The following RUNDC3B variants were observed in gnomAD, a reference collection of about 807,000 sequenced individuals.
RUNDC3B encodes the protein RUN domain containing 3B.
RUNDC3B carries 33 observed loss-of-function variants against 58.4 expected under a neutral mutation model. That is an observed-to-expected ratio of 0.56 (90% CI 0.43 to 0.75). The LOEUF (loss-of-function observed/expected upper bound fraction) is 0.75. Ranked by LOEUF, RUNDC3B falls within the 30% of genes least tolerant of loss-of-function variation. The pLI, the probability that RUNDC3B is intolerant of heterozygous loss-of-function variation, is 0.00. For missense variants in RUNDC3B, 501 were observed against 535.7 expected (o/e 0.94, Z 0.64); for synonymous variants, 193 against 195.2 (o/e 0.99, Z 0.10).
Position 87,830,054 on chromosome 7 carries a change from CTTT to C in RUNDC3B, c.*27_*29del. ...GAAAATTTTTGTGTAAAAGCCAAAACTTTTTATGTTGTAAATGTTTAATTTACA... is the reference window on the plus strand; with the variant it reads ...GAAAATTTTTGTGTAAAAGCCAAAACTTATGTTGTAAATGTTTAATTTACA... On this transcript the variant is annotated 3_prime_UTR_variant, in exon 11 of 11. Coordinates refer to ENST00000394654, the MANE Select transcript of RUNDC3B (RefSeq NM_001134405.2). 1.3e-6 allele frequency: 2 copies of C among 1,519,468 alleles called. No homozygotes were observed. The highest frequency in any genetic ancestry group is 1.8e-6 in the Non-Finnish European group (2 of 1,123,750). The allele number at this position is 1,519,468 out of a possible 1,614,324, so 94.1% of individuals were successfully genotyped here. A position where few individuals can be genotyped will look rare whatever the true frequency, so the allele number is the denominator to read the frequency against.
intron 6 of RUNDC3B, among the ~76,000 whole-genome samples, chr7:87,752,868 T>C (rs1370012102): frequency 1.2e-4 from 19 of 152,022 alleles, no homozygotes; most frequent in Admixed American, 1.2e-3. Flanking sequence ...TTTGTGTCTC[T>C]ATTTCCTTCA....
chr7:87,670,711 C>A (rs2130515881), intron 2 of RUNDC3B, among the ~76,000 whole-genome samples: 1 of 152,252 alleles, frequency 6.6e-6, no homozygotes, highest in Non-Finnish European at 1.5e-5. Context: ...AAGCTGACTT[C>A]TTGACTCTGG....
intron 8 of RUNDC3B, among the ~76,000 whole-genome samples, chr7:87,786,413 T>TC (rs559447911): frequency 8.9e-4 from 135 of 152,192 alleles, no homozygotes; most frequent in South Asian, 2.9e-3. Flanking sequence ...ACATATTTTT[T>TC]CTTCTTTTTT....
In RUNDC3B at chr7:87,628,649, C is replaced by A; in HGVS notation, c.-175C>A. On this transcript the variant is annotated 5_prime_UTR_variant, in exon 1 of 11. Transcript: ENST00000394654. ...TGGAGCTCGGGTGCCAAGGGCGAGCCGTCAGTCCCCGGGTGCGAGTCCCTG... is the reference window on the plus strand; with the variant it reads ...TGGAGCTCGGGTGCCAAGGGCGAGCAGTCAGTCCCCGGGTGCGAGTCCCTG... 2.8e-6 allele frequency: 1 copy of A among 357,626 alleles called. No individual in the cohort carries two copies. Among genetic ancestry groups the A allele is most frequent in the Non-Finnish European group, 4.9e-6 (1 of 204,422 alleles). The allele number at this position is 357,626 out of a possible 1,614,324, so 22.2% of individuals were successfully genotyped here. A position where few individuals can be genotyped will look rare whatever the true frequency, so the allele number is the denominator to read the frequency against.
intron 8 of RUNDC3B, among the ~76,000 whole-genome samples, chr7:87,792,842 A>G (rs1835597916): frequency 6.6e-6 from 1 of 152,078 alleles, no homozygotes; most frequent in Non-Finnish European, 1.5e-5. Flanking sequence ...AAGAAAAGAA[A>G]TAATAAAGTG....
chr7:87,805,905 T>C (rs532113341), intron 8 of RUNDC3B, among the ~76,000 whole-genome samples: 60 of 152,206 alleles, frequency 3.9e-4, no homozygotes, highest in Non-Finnish European at 7.9e-4. Context: ...CTCTGGCCAA[T>C]AATTCCTATT....
At chr7:87,777,713 T>C in intron 7 of RUNDC3B, 85 bp from the exon 8 acceptor site, 4 of 1,014,178 alleles carry the variant, frequency 3.9e-6, no homozygotes, top group Admixed American at 2.4e-5. Flanking sequence ...TAAATAGGAA[T>C]AGCATTTAAG....
At position 87,656,799 on chromosome 7, in the gene RUNDC3B, A is replaced by ATTTAT. The variant is rs1824148781; in HGVS notation, c.238+5862_238+5863insTTTAT. Among the ~76,000 whole-genome samples the ATTTAT allele has an allele frequency of 5.9e-5, 9 of 152,322 alleles. No homozygotes were observed. The South Asian group carries it at 1.9e-3, about 32-fold the overall frequency. On this transcript the variant is annotated intron_variant, in intron 2 of 10. Coordinates refer to ENST00000394654, the MANE Select transcript of RUNDC3B (RefSeq NM_001134405.2). ...TTTCTTCTAAACTTATTTATCCATCACTAAGCTACTTAAATTTCAAGTTAC... is the reference window on the plus strand; with the variant it reads ...TTTCTTCTAAACTTATTTATCCATCATTTATCTAAGCTACTTAAATTTCAAGTTAC...
intron 6 of RUNDC3B, among the ~76,000 whole-genome samples, chr7:87,749,859 C>CTT (rs35378698): frequency 6.7e-6 from 1 of 150,366 alleles, no homozygotes; most frequent in Non-Finnish European, 1.5e-5. Context: ...TATTTTCTTT[C>CTT]TTTTTTTTTA....
Position 87,741,659 on chromosome 7 carries a change from T to A in RUNDC3B, c.629+80T>A. On this transcript the variant is annotated intron_variant, in intron 6 of 10. Coordinates refer to ENST00000394654, the MANE Select transcript of RUNDC3B (RefSeq NM_001134405.2). ...TGTGCAATGTTTGTCTGATCAAAAC[T>A]ACTTTGTACTAAATATTCGTTCCAA... The A allele has an allele frequency of 4.1e-6, 3 of 735,096 alleles. No homozygotes were observed. In the South Asian group the frequency reaches 5.5e-5, roughly 14 times the overall value. The allele number at this position is 735,096 out of a possible 1,614,324, so 45.5% of individuals were successfully genotyped here. A position where few individuals can be genotyped will look rare whatever the true frequency, so the allele number is the denominator to read the frequency against.
At chr7:87,700,595 A>G (rs1475021760) in intron 3 of RUNDC3B, 41 bp downstream of exon 3, 1 of 1,560,682 alleles carries the variant, frequency 6.4e-7, no homozygotes, top group Non-Finnish European at 8.7e-7. Context: ...TTTTTTTTTC[A>G]TTGCATGTAT....
intron 8 of RUNDC3B, among the ~76,000 whole-genome samples, chr7:87,806,293 G>T (rs540183906): frequency 5.2e-4 from 79 of 152,286 alleles, no homozygotes; most frequent in African/African-American, 1.9e-3. Context: ...ATTGTAAACA[G>T]CCAGGGGTGG....
intron 2 of RUNDC3B, among the ~76,000 whole-genome samples, chr7:87,678,855 C>T (rs577904014): frequency 3.4e-4 from 51 of 152,052 alleles, no homozygotes; most frequent in African/African-American, 1.2e-3. Context: ...TATTAAAAAG[C>T]AGATTAATTT....
intron 1 of RUNDC3B, among the ~76,000 whole-genome samples, chr7:87,648,040 C>A (rs1028741689): frequency 3.3e-5 from 5 of 151,834 alleles, no homozygotes; most frequent in Admixed American, 3.3e-4. Flanking sequence ...AAAAAATTAG[C>A]CGGGCTTGGT....
intron 8 of RUNDC3B, among the ~76,000 whole-genome samples, chr7:87,781,439 A>G (rs558094438): frequency 1.3e-5 from 2 of 152,204 alleles, no homozygotes; most frequent in East Asian, 3.9e-4. Context: ...AAGAGAGACA[A>G]TATGACTTCT....
At chr7:87,827,958 T>C (rs1837914219) in intron 10 of RUNDC3B, among the ~76,000 whole-genome samples, 1 of 152,116 alleles carries the variant, frequency 6.6e-6, no homozygotes, top group East Asian at 1.9e-4. Flanking sequence ...TTCCTGACCA[T>C]TCTGGGCAAC....
At chr7:87,754,776 A>G (rs189607762) in intron 6 of RUNDC3B, among the ~76,000 whole-genome samples, 14 of 152,230 alleles carry the variant, frequency 9.2e-5, no homozygotes, top group Admixed American at 2.0e-4. Context: ...CCACAGAAAC[A>G]AAAATAACTA....
intron 10 of RUNDC3B, 91 bp from the exon 11 acceptor site, chr7:87,829,794 T>TTG: frequency 1.0e-6 from 1 of 954,364 alleles, no homozygotes; most frequent in Non-Finnish European, 1.6e-6. Flanking sequence ...TTTCACAGTA[T>TTG]TGATTCTTCC....
At chr7:87,774,896 A>G (rs1834532718) in intron 7 of RUNDC3B, among the ~76,000 whole-genome samples, 1 of 152,204 alleles carries the variant, frequency 6.6e-6, no homozygotes, top group Non-Finnish European at 1.5e-5. Flanking sequence ...TGTGTTTGTG[A>G]TAATGCTAGT....
Sources: allele counts gnomAD v4.1 joint callset (sites outside exome capture counted in the v4.1 genomes callset), GRCh38; gene constraint gnomAD v4.1.1; transcripts MANE v1.5; gene names NCBI Gene and HGNC (gene_info 2026-07-23, HGNC 2026-07-21).